Variants in ZC3HAV1 observed in about 807,000 individuals in gnomAD.
ZC3HAV1 encodes the protein zinc finger CCCH-type containing, antiviral 1.
In ZC3HAV1, 41 loss-of-function variants were observed where a neutral mutation model predicts 86.6. That is an observed-to-expected ratio of 0.47 (90% CI 0.37 to 0.61). The LOEUF is 0.61. Ranked by LOEUF, ZC3HAV1 falls within the 20% of genes least tolerant of loss-of-function variation. The pLI is 0.00. For missense variants in ZC3HAV1, 964 were observed against 1,141.1 expected, an observed-to-expected ratio of 0.84 and a Z score of 2.24; for synonymous variants, 421 against 432.1, an observed-to-expected ratio of 0.97 and a Z score of 0.32.
intron 4 of ZC3HAV1, 21 bp from the exon 5 acceptor site, chr7:139,078,674 C>T (rs755276717): frequency 1.3e-5 from 20 of 1,523,344 alleles, no homozygotes; most frequent in Non-Finnish European, 1.6e-5. Flanking sequence ...AAAAAGGATG[C>T]ATGTATGCTG....
At chr7:139,102,664 A>G (rs1378657066) in intron 1 of ZC3HAV1, among the ~76,000 whole-genome samples, 2 of 151,728 alleles carry the variant, frequency 1.3e-5, no homozygotes, top group African/African-American at 4.8e-5. Flanking sequence ...GGCTGAGGCA[A>G]GAGGAATGCT....
At chr7:139,083,681 C>A in intron 3 of ZC3HAV1, 99 bp downstream of exon 3, 1 of 1,431,648 alleles carries the variant, frequency 7.0e-7, no homozygotes, top group Non-Finnish European at 9.1e-7. Flanking sequence ...GAGCTGAGAT[C>A]ACGCCACTGT....
intron 7 of ZC3HAV1, among the ~76,000 whole-genome samples, chr7:139,068,822 G>A (rs545700817): frequency 6.6e-6 from 1 of 152,290 alleles, no homozygotes; most frequent in South Asian, 2.1e-4. Flanking sequence ...CGAGTCTCAG[G>A]CACTGCTTGA....
chr7:139,094,695 T>C (rs6951728), intron 1 of ZC3HAV1, among the ~76,000 whole-genome samples: 4,692 of 152,202 alleles, frequency 0.031, 240 homozygotes, highest in African/African-American at 0.11. Context: ...GCCTGCACAG[T>C]GATTCTCATT....
At position 139,075,557 on chromosome 7, in the gene ZC3HAV1, C is replaced by T. The variant is rs1003092403; in HGVS notation, c.1697+729G>A. Among the ~76,000 whole-genome samples, 12 of 152,116 alleles carry T rather than the reference C, an allele frequency of 7.9e-5. 1 individual carries two copies. The South Asian group carries it at 8.3e-4, about 11-fold the overall frequency. ...CAGTGATCCTCTCACATCAGCCTCC[C>T]GAGTAGCGAGTAGCTGGGACCACAG... On this transcript the variant is annotated intron_variant, in intron 6 of 12. Transcript: ENST00000242351.
At chr7:139,076,505 C>T in intron 5 of ZC3HAV1, 96 bp from the exon 6 acceptor site, 2 of 1,505,514 alleles carry the variant, frequency 1.3e-6, no homozygotes, top group Non-Finnish European at 1.8e-6. Flanking sequence ...CATGCCTGCC[C>T]TGCCCCCTGC....
rs201412553 is a variant in ZC3HAV1, at chr7:139,078,612, C to T, written c.1513G>A (p.Asp505Asn). The T allele has an allele frequency of 9.5e-5, 151 of 1,591,864 alleles. No homozygotes were observed. The highest frequency in any genetic ancestry group is 5.3e-4 in the Admixed American group (28 of 52,744). The change falls in exon 5 of 13, where the codon GAT becomes AAT. Residue 505 changes from aspartate to asparagine, a missense_variant. By Grantham distance (23) the Asp-to-Asn change is conservative. Transcript: ENST00000242351. ...CAAATTTCCTCTGAGTCATGATCAT[C>T]CACCCTAGAAGATGTGGTACTTGTG... ...DVTSTTSSRVDDHDSEEICLD... is the reference protein window; with the variant it reads ...DVTSTTSSRVNDHDSEEICLD...
At chr7:139,105,544 C>G (rs1184136084) in intron 1 of ZC3HAV1, among the ~76,000 whole-genome samples, 1 of 152,154 alleles carries the variant, frequency 6.6e-6, no homozygotes, top group East Asian at 1.9e-4. Flanking sequence ...AAACAATTAT[C>G]CAACATTGAA....
Position 139,080,180 on chromosome 7 carries a change from A to C in ZC3HAV1, c.761T>G (p.Phe254Cys), listed in dbSNP as rs1209039272. The change falls in exon 4 of 13, where the codon TTT (phenylalanine) becomes TGT (cysteine). Residue 254 changes from phenylalanine (F) to cysteine (C), a missense_variant. Physicochemically the swap from Phe to Cys is radical, Grantham distance 205. Coordinates refer to ENST00000242351, the MANE Select transcript of ZC3HAV1 (RefSeq NM_020119.4). The stretch of plus-strand genomic sequence containing the variant: ...CGCAAGAAATTCTTGGCTGCCCTGA[A>C]AGAACCGATCTCTACTCTTGCTTCT... ...RARSKSRDRFFQGSQEFLASA... is the reference protein window; with the variant it reads ...RARSKSRDRFCQGSQEFLASA... 1.2e-5 allele frequency: 19 copies of C among 1,614,002 alleles called. No individual in the cohort carries two copies. The highest frequency in any genetic ancestry group is 1.5e-5 in the Non-Finnish European group (18 of 1,180,030).
In ZC3HAV1 at chr7:139,078,609, C is replaced by G. The variant is rs1474446968; in HGVS notation, c.1516G>C (p.Asp506His). 1 of 1,591,334 alleles carries G rather than the reference C, an allele frequency of 6.3e-7. No homozygotes were observed. Among genetic ancestry groups the G allele is most frequent in the Non-Finnish European group, 8.5e-7 (1 of 1,174,094 alleles). Residue 506 changes from aspartate (D) to histidine (H), a missense_variant, in exon 5 of 13, where the codon GAT (aspartate) becomes CAT (histidine). Asp to His is a moderately conservative substitution (Grantham distance 81). Transcript: ENST00000242351. ...AGACAAATTTCCTCTGAGTCATGAT[C>G]ATCCACCCTAGAAGATGTGGTACTT... ...VTSTTSSRVD[D>H]HDSEEICLDH... is the part of the protein sequence containing the mutation.
intron 9 of ZC3HAV1, among the ~76,000 whole-genome samples, chr7:139,058,449 C>G (rs1039646779): frequency 1.0e-4 from 15 of 147,584 alleles, no homozygotes; most frequent in Admixed American, 8.6e-4. Context: ...AACCCCCCCC[C>G]CCCCCACAAA....
intron 1 of ZC3HAV1, among the ~76,000 whole-genome samples, chr7:139,095,387 G>A (rs139219671): frequency 6.6e-6 from 1 of 152,310 alleles, no homozygotes; most frequent in Admixed American, 6.5e-5. Context: ...GATCACATGA[G>A]CAGGGTAACG....
rs960074476 is a variant in ZC3HAV1 at position 139,076,556 on chromosome 7, C to T, written c.1574-147G>A. ...TATACCAGCTGACACTGCTGTGTGTCCATTATCCAGGTTCCTTCATTACCT... is the reference window on the plus strand; with the variant it reads ...TATACCAGCTGACACTGCTGTGTGTTCATTATCCAGGTTCCTTCATTACCT... On this transcript the variant is annotated intron_variant, in intron 5 of 12. Transcript: ENST00000242351. 3 of 1,069,522 alleles carry T rather than the reference C, an allele frequency of 2.8e-6. No homozygotes were observed. In the Admixed American group the frequency reaches 7.9e-5, roughly 28 times the overall value. 66.3% of individuals were successfully genotyped at this position (1,069,522 alleles called of 1,614,324 possible).
rs779125855 is a variant in ZC3HAV1 at position 139,109,358 on chromosome 7, G to A, written c.-27C>T. On this transcript the variant is annotated 5_prime_UTR_variant, in exon 1 of 13. Coordinates refer to ENST00000242351, the MANE Select transcript of ZC3HAV1 (RefSeq NM_020119.4). ...GCGCGCTGGCTGTGCTGGCTCTGCC[G>A]CGGCGCGGGACTCGGTTCCGCGGAA... 3 of 1,538,718 alleles carry A rather than the reference G, an allele frequency of 1.9e-6. No individual in the cohort carries two copies. The highest frequency in any genetic ancestry group is 1.7e-6 in the Non-Finnish European group (2 of 1,144,016).
intron 7 of ZC3HAV1, among the ~76,000 whole-genome samples, chr7:139,065,233 C>A (rs546820919): frequency 2.0e-5 from 3 of 152,238 alleles, no homozygotes; most frequent in African/African-American, 7.2e-5. Context: ...TTGGGGGAGG[C>A]CTGAGAAGTG....
intron 6 of ZC3HAV1, among the ~76,000 whole-genome samples, chr7:139,075,451 G>A (rs1468640767): frequency 6.6e-6 from 1 of 151,884 alleles, no homozygotes; most frequent in Non-Finnish European, 1.5e-5. Context: ...ATTTATTTTT[G>A]AGACAGGGTC....
intron 2 of ZC3HAV1, among the ~76,000 whole-genome samples, chr7:139,088,031 CAAAAAAAAAAAAAA>C (rs10544425): frequency 1.7e-5 from 1 of 57,872 alleles, no homozygotes; most frequent in Non-Finnish European, 3.4e-5. Context: ...GATCCTGTCT[CAAAAAAAAAAAAAA>C]AAAAAAAAAA....
chr7:139,053,406 C>T (rs748318031), intron 12 of ZC3HAV1, 45 bp downstream of exon 12: 15 of 1,505,682 alleles, frequency 1.0e-5, no homozygotes, highest in Non-Finnish European at 1.3e-5. Flanking sequence ...ATATAAAGCC[C>T]GAGTTATGAC....
In ZC3HAV1 at chr7:139,089,765, A is replaced by C; in HGVS notation, c.309-6T>G. The C allele has an allele frequency of 2.5e-6, 4 of 1,605,988 alleles. No homozygotes were observed. The highest frequency in any genetic ancestry group is 1.1e-5 in the South Asian group (1 of 89,112). On this transcript the variant is annotated splice_polypyrimidine_tract_variant and splice_region_variant and intron_variant, in intron 1 of 12. Coordinates refer to ENST00000242351, the MANE Select transcript of ZC3HAV1 (RefSeq NM_020119.4). ...GAGAATATTTGCATAAATTCCTGGA[A>C]GAAAACACGACAATGGTCAGTATTT...
Sources: gnomAD v4.1 joint callset for allele counts (sites outside exome capture counted in the v4.1 genomes callset) on GRCh38, gnomAD v4.1.1 for gene constraint, MANE v1.5 for transcripts, NCBI Gene and HGNC (gene_info 2026-07-23, HGNC 2026-07-21) for gene names.